The following SLMAP variants were observed in gnomAD, a reference collection of about 807,000 sequenced individuals.
The protein encoded by SLMAP is sarcolemma associated protein.
Under a neutral mutation model 128.8 loss-of-function variants are expected in SLMAP, and 44 were observed. That is an observed-to-expected ratio of 0.34 (90% CI 0.27 to 0.44). The LOEUF is 0.44. Among genes scored for constraint, SLMAP ranks in the 20% least tolerant of loss-of-function variants. The pLI, the probability that SLMAP is intolerant of heterozygous loss-of-function variation, is 1.00. For missense variants in SLMAP, 787 were observed against 985.3 expected (o/e 0.80, Z 2.69); for synonymous variants, 327 against 348.8 (o/e 0.94, Z 0.70).
chr3:57,793,795 C>T (rs1176215690), intron 2 of SLMAP, among the ~76,000 whole-genome samples: 1 of 151,610 alleles, frequency 6.6e-6, no homozygotes, highest in Non-Finnish European at 1.5e-5. Flanking sequence ...TGCGGTGACT[C>T]ATGCCTGTAA....
chr3:57,796,613 C>T (rs535268957), intron 2 of SLMAP, among the ~76,000 whole-genome samples: 1 of 152,266 alleles, frequency 6.6e-6, no homozygotes, highest in South Asian at 2.1e-4. Flanking sequence ...TATTATTATA[C>T]CCTTTAAGTC....
intron 21 of SLMAP, among the ~76,000 whole-genome samples, chr3:57,915,194 G>A (rs1372978999): frequency 1.3e-5 from 2 of 152,122 alleles, no homozygotes; most frequent in African/African-American, 4.8e-5. Flanking sequence ...TAATGATTCA[G>A]GCTAGATCCC....
intron 13 of SLMAP, among the ~76,000 whole-genome samples, chr3:57,868,834 T>A (rs2095381760): frequency 7.2e-6 from 1 of 139,560 alleles, no homozygotes; most frequent in Non-Finnish European, 1.5e-5. Context: ...AATATATATA[T>A]GTGTATTATA....
At chr3:57,782,162 T>C (rs1390796356) in intron 2 of SLMAP, among the ~76,000 whole-genome samples, 4 of 152,240 alleles carry the variant, frequency 2.6e-5, no homozygotes, top group Non-Finnish European at 5.9e-5. Flanking sequence ...TCTCTTGAAA[T>C]AGAGAAATTT....
intron 6 of SLMAP, among the ~76,000 whole-genome samples, chr3:57,855,717 A>AAAC (rs901402679): frequency 1.1e-4 from 16 of 148,948 alleles, no homozygotes; most frequent in African/African-American, 4.0e-4. Context: ...CTGTTAAAAA[A>AAAC]AAAAAAAACA....
At chr3:57,786,552 C>CTT (rs34574598) in intron 2 of SLMAP, among the ~76,000 whole-genome samples, 75 of 129,936 alleles carry the variant, frequency 5.8e-4, no homozygotes, top group African/African-American at 1.2e-3. Context: ...AATTATATAG[C>CTT]TTTTTTTTTT....
intron 4 of SLMAP, among the ~76,000 whole-genome samples, chr3:57,842,594 A>G (rs2153565493): frequency 6.6e-6 from 1 of 152,250 alleles, no homozygotes; most frequent in Non-Finnish European, 1.5e-5. Flanking sequence ...TGCAGTTTGA[A>G]AACTTTGAAC....
At chr3:57,822,348 C>A (rs755987716) in intron 2 of SLMAP, among the ~76,000 whole-genome samples, 1 of 151,912 alleles carries the variant, frequency 6.6e-6, no homozygotes, top group Non-Finnish European at 1.5e-5. Flanking sequence ...GCTGTGAGGT[C>A]GTGGCACTCT....
intron 2 of SLMAP, among the ~76,000 whole-genome samples, chr3:57,796,683 A>T (rs977300080): frequency 6.6e-6 from 1 of 152,224 alleles, no homozygotes; most frequent in Non-Finnish European, 1.5e-5. Context: ...TTACATAAAG[A>T]TGTGTGTATA....
Position 57,757,243 on chromosome 3 carries a change from C to G in SLMAP, c.-409C>G, listed in dbSNP as rs907719985. 2 of 279,920 alleles carry G rather than the reference C, an allele frequency of 7.1e-6. No individual in the cohort carries two copies. Among genetic ancestry groups the G allele is most frequent in the Non-Finnish European group, 1.4e-5 (2 of 143,800 alleles). 17.3% of individuals were successfully genotyped at this position (279,920 alleles called of 1,614,324 possible). ...TGCAGTGCTGCAACGTTTCCGCCACCAAGGGGGAAAAGCGGCCGCGATCTC... is the reference window on the plus strand; with the variant it reads ...TGCAGTGCTGCAACGTTTCCGCCACGAAGGGGGAAAAGCGGCCGCGATCTC... On this transcript the variant is annotated 5_prime_UTR_variant, in exon 2 of 25. Coordinates refer to ENST00000671191, the MANE Select transcript of SLMAP (RefSeq NM_001377540.1).
At position 57,864,858 on chromosome 3, in the gene SLMAP, G is replaced by A; in HGVS notation, c.1186+1G>A. The A allele has an allele frequency of 6.4e-7, 1 of 1,568,836 alleles. No individual in the cohort carries two copies. Among genetic ancestry groups the A allele is most frequent in the South Asian group, 1.2e-5 (1 of 86,192 alleles). On this transcript the variant is annotated splice_donor_variant, in intron 12 of 24. Coordinates refer to ENST00000671191, the MANE Select transcript of SLMAP (RefSeq NM_001377540.1). LOFTEE classifies it high-confidence loss of function. ...ACTCTTAAAGAATGCAGCAGCTTGG[G>A]TAGGTGGCATCCATATTTCTTACTT... is the stretch of plus-strand genomic sequence containing the variant.
At chr3:57,794,312 A>T (rs1269907705) in intron 2 of SLMAP, among the ~76,000 whole-genome samples, 1 of 152,176 alleles carries the variant, frequency 6.6e-6, no homozygotes, top group Non-Finnish European at 1.5e-5. Context: ...TGTAGTTACC[A>T]CAAAGACTTT....
At chr3:57,888,000 A>T (rs1290432479) in intron 14 of SLMAP, among the ~76,000 whole-genome samples, 2 of 152,218 alleles carry the variant, frequency 1.3e-5, no homozygotes, top group African/African-American at 2.4e-5. Context: ...ATCACATGTG[A>T]AGGTAGAATG....
chr3:57,795,691 G>A (rs895481212), intron 2 of SLMAP, among the ~76,000 whole-genome samples: 1 of 152,080 alleles, frequency 6.6e-6, no homozygotes, highest in Non-Finnish European at 1.5e-5. Context: ...AACATAAAAT[G>A]TACCATTTGT....
intron 14 of SLMAP, 147 bp downstream of exon 14, chr3:57,871,845 C>T (rs1364782846): frequency 5.2e-5 from 30 of 574,060 alleles, no homozygotes; most frequent in Middle Eastern, 4.6e-4. Flanking sequence ...CTTTTCATAA[C>T]TATTTGTCTT....
At chr3:57,880,796 GATCGCTTGAGCCCTGGAGCGGGAGGC>G (rs2095717102) in intron 14 of SLMAP, among the ~76,000 whole-genome samples, 1 of 151,924 alleles carries the variant, frequency 6.6e-6, no homozygotes, top group Admixed American at 6.6e-5. Context: ...GAGGTGGGAG[GATCGCTTGAGCCCTGGAGCGGGAGGC>G]TGCAGTGAGC....
At chr3:57,913,777 CA>C (rs934313806) in intron 21 of SLMAP, among the ~76,000 whole-genome samples, 12 of 151,712 alleles carry the variant, frequency 7.9e-5, no homozygotes, top group Non-Finnish European at 1.3e-4. Flanking sequence ...GACAATGTGG[CA>C]AAACCCTGTC....
At chr3:57,780,793 A>G (rs2082877794) in intron 2 of SLMAP, among the ~76,000 whole-genome samples, 2 of 151,482 alleles carry the variant, frequency 1.3e-5, no homozygotes, top group South Asian at 2.1e-4. Flanking sequence ...GTAGGCACGC[A>G]CCACCATGCT....
chr3:57,864,219 C>A (rs930268845), intron 10 of SLMAP, among the ~76,000 whole-genome samples: 2 of 152,142 alleles, frequency 1.3e-5, no homozygotes, highest in Non-Finnish European at 2.9e-5. Context: ...ACCAGCCTGA[C>A]CAACATGGAG....
Sources: allele counts gnomAD v4.1 joint callset (sites outside exome capture counted in the v4.1 genomes callset), GRCh38; gene constraint gnomAD v4.1.1; transcripts MANE v1.5; gene names NCBI Gene and HGNC (gene_info 2026-07-23, HGNC 2026-07-21).